The following TMEM156 variants were observed in gnomAD, a reference collection of about 807,000 sequenced individuals.
The protein encoded by TMEM156 is transmembrane protein 156.
Under a neutral mutation model 30.5 loss-of-function variants are expected in TMEM156, and 28 were observed. That is an observed-to-expected ratio of 0.92 (90% confidence interval 0.68 to 1.26). The LOEUF is 1.26. Ranked by LOEUF, TMEM156 falls within the 50% of genes most tolerant of loss-of-function variation. TMEM156 has a pLI of 0.00. For synonymous variants in TMEM156, 137 were observed against 119.9 expected (o/e 1.14, Z -0.93); for missense variants, 351 against 340.6 (o/e 1.03, Z -0.24).
chr4:39,025,186 T>C (rs1450582478), intron 1 of TMEM156, among the ~76,000 whole-genome samples: 1 of 151,674 alleles, frequency 6.6e-6, no homozygotes, highest in Non-Finnish European at 1.5e-5. Flanking sequence ...CTGTCTCTAC[T>C]AAAAATACAA....
chr4:39,018,268 G>A (rs889864163), intron 1 of TMEM156, among the ~76,000 whole-genome samples: 3 of 152,060 alleles, frequency 2.0e-5, no homozygotes, highest in South Asian at 2.1e-4. Flanking sequence ...ACTTTAACTC[G>A]GATCATCTCC....
chr4:39,020,992 C>T (rs983447913), intron 1 of TMEM156, among the ~76,000 whole-genome samples: 2 of 152,172 alleles, frequency 1.3e-5, no homozygotes, highest in Non-Finnish European at 2.9e-5. Flanking sequence ...TAATAGCCAT[C>T]TTGGGTGTGA....
chr4:39,030,035 A>G (rs1228601804), intron 1 of TMEM156, among the ~76,000 whole-genome samples: 1 of 152,104 alleles, frequency 6.6e-6, no homozygotes, highest in African/African-American at 2.4e-5. Flanking sequence ...GGCCCCAAGT[A>G]GGGTTCCTTT....
chr4:38,992,771 T>G (rs1284619550), intron 3 of TMEM156, among the ~76,000 whole-genome samples: 2 of 103,448 alleles, frequency 1.9e-5, no homozygotes, highest in African/African-American at 6.6e-5. Context: ...TATTTTTTTT[T>G]GTCTTTTCAA....
Position 38,971,172 on chromosome 4 carries a change from T to C in TMEM156, c.824-35A>G, listed in dbSNP as rs776343984. The C allele has an allele frequency of 5.0e-6, 8 of 1,587,456 alleles. No individual in the cohort carries two copies. In the South Asian group the frequency reaches 7.8e-5, roughly 15 times the overall value. On this transcript the variant is annotated intron_variant, in intron 5 of 6. Coordinates refer to ENST00000381938, the MANE Select transcript of TMEM156 (RefSeq NM_024943.3). ...AAGGAGAACTGTTTTAGTCTATATG[T>C]AGTAAATAGCAAAAAGAGACAGGCT...
At chr4:38,995,051 A>G (rs1391584225) in intron 2 of TMEM156, among the ~76,000 whole-genome samples, 4 of 152,276 alleles carry the variant, frequency 2.6e-5, no homozygotes, top group Middle Eastern at 3.4e-3. Flanking sequence ...CTCCTAGCTA[A>G]TGGTGGTTTG....
intron 1 of TMEM156, among the ~76,000 whole-genome samples, chr4:39,013,873 A>C (rs910493155): frequency 6.6e-6 from 1 of 152,156 alleles, no homozygotes; most frequent in Non-Finnish European, 1.5e-5. Flanking sequence ...ATATTTTATA[A>C]TTGTAGTGTA....
chr4:39,001,396 G>GAA (rs762121200), intron 1 of TMEM156, among the ~76,000 whole-genome samples: 14 of 117,358 alleles, frequency 1.2e-4, no homozygotes, highest in Admixed American at 6.9e-4. Context: ...AAAAAAAAAA[G>GAA]AAAAAAAAAA....
At position 38,999,121 on chromosome 4, in the gene TMEM156, T is replaced by A. The variant is rs1461825270; in HGVS notation, c.89-212A>T. Among the ~76,000 whole-genome samples the A allele has an allele frequency of 1.6e-3, 230 of 142,794 alleles. 1 individual carries two copies. The highest frequency in any genetic ancestry group is 2.8e-3 in the East Asian group (14 of 5,038). 93.7% of individuals were successfully genotyped at this position (142,794 alleles called of 152,430 possible). On this transcript the variant is annotated intron_variant, in intron 1 of 6. Coordinates refer to ENST00000381938, the MANE Select transcript of TMEM156 (RefSeq NM_024943.3). ...ATTTTTATTTATTTATTTTTTTTTT[T>A]TTTTTTTTTTTTTGAGACTGGATCT...
At chr4:38,982,738 C>G (rs947231777) in intron 5 of TMEM156, among the ~76,000 whole-genome samples, 8 of 152,090 alleles carry the variant, frequency 5.3e-5, no homozygotes, top group East Asian at 1.9e-4. Flanking sequence ...TCTAGAGAAC[C>G]CTGACTAATC....
intron 1 of TMEM156, among the ~76,000 whole-genome samples, chr4:39,024,396 A>G (rs959907553): frequency 2.0e-5 from 3 of 152,206 alleles, no homozygotes; most frequent in African/African-American, 7.2e-5. Context: ...TAGTAGTTAC[A>G]CAGGTGCACA....
rs574543571 is a variant in TMEM156, at chr4:39,021,900, T to C, written c.88+10326A>G. On this transcript the variant is annotated intron_variant, in intron 1 of 6. Transcript: ENST00000381938. ...CTGTACTGAAACAAGCTAAATATTT[T>C]CTATTTTATATCTCATAATTCCAAT... Among the ~76,000 whole-genome samples the C allele has an allele frequency of 2.6e-5, 4 of 152,352 alleles. No homozygotes were observed. In the South Asian group the frequency reaches 6.2e-4, roughly 24 times the overall value.
At chr4:38,980,107 T>C (rs928859175) in intron 5 of TMEM156, among the ~76,000 whole-genome samples, 3 of 151,176 alleles carry the variant, frequency 2.0e-5, no homozygotes, top group African/African-American at 7.3e-5. Context: ...CTAAAACTAG[T>C]CATCTGCTCC....
intron 5 of TMEM156, among the ~76,000 whole-genome samples, chr4:38,977,945 T>C (rs1722954118): frequency 6.6e-6 from 1 of 152,238 alleles, no homozygotes; most frequent in South Asian, 2.1e-4. Flanking sequence ...GATAAAGATT[T>C]CTATCGCTTT....
At chr4:38,975,005 G>C (rs74446584) in intron 5 of TMEM156, among the ~76,000 whole-genome samples, 2,499 of 152,196 alleles carry the variant, frequency 0.016, 28 homozygotes, top group East Asian at 0.061. Flanking sequence ...AGTAACTACT[G>C]TTTAAGGGGC....
chr4:38,993,736 A>T lies in TMEM156; in HGVS notation c.619+2T>A. The T allele has an allele frequency of 6.2e-7, 1 of 1,609,802 alleles. No individual in the cohort carries two copies. The highest frequency in any genetic ancestry group is 8.5e-7 in the Non-Finnish European group (1 of 1,176,630). On this transcript the variant is annotated splice_donor_variant, in intron 3 of 6. Transcript: ENST00000381938. LOFTEE classifies it high-confidence loss of function. ...TTCCCTTTAGTTTCCTTAAAAACTT[A>T]CTTTTTATATCCATCTCTAGGTGCA... is the stretch of plus-strand genomic sequence containing the variant.
At chr4:38,978,795 TC>T (rs1157647964) in intron 5 of TMEM156, among the ~76,000 whole-genome samples, 4 of 152,136 alleles carry the variant, frequency 2.6e-5, no homozygotes. Flanking sequence ...ATTTTTTTTT[TC>T]TTTTGAGACA....
At chr4:38,992,464 A>C (rs1712533633) in intron 3 of TMEM156, among the ~76,000 whole-genome samples, 1 of 151,614 alleles carries the variant, frequency 6.6e-6, no homozygotes, top group South Asian at 2.1e-4. Context: ...AACCAACCTT[A>C]AACAGAATTA....
At chr4:39,003,488 C>A (rs1713522018) in intron 1 of TMEM156, among the ~76,000 whole-genome samples, 1 of 152,124 alleles carries the variant, frequency 6.6e-6, no homozygotes, top group Non-Finnish European at 1.5e-5. Flanking sequence ...GCATGCACCA[C>A]CACGCCCGGC....
Sources: gnomAD v4.1 joint callset for allele counts (sites outside exome capture counted in the v4.1 genomes callset) on GRCh38, gnomAD v4.1.1 for gene constraint, MANE v1.5 for transcripts, NCBI Gene and HGNC (gene_info 2026-07-23, HGNC 2026-07-21) for gene names.